The following CLPP variants were observed in gnomAD, a reference collection of about 807,000 sequenced individuals.
CLPP encodes caseinolytic mitochondrial matrix peptidase proteolytic subunit.
A neutral mutation model predicts 27.4 loss-of-function variants in CLPP; 14 were observed. The ratio of observed to expected loss-of-function variants is 0.51; its 90% CI spans 0.34 to 0.80. The LOEUF is 0.80. Among genes scored for constraint, CLPP ranks in the 30% least tolerant of loss-of-function variants. The pLI, the probability that CLPP is intolerant of heterozygous loss-of-function variation, is 0.02. For synonymous variants in CLPP, 193 were observed against 166.6 expected (o/e 1.16, Z -1.22); for missense variants, 361 against 403.6 (o/e 0.89, Z 0.90).
At chr19:6,365,014 G>A (rs1464478137) in intron 4 of CLPP, 12 of 188,360 alleles carry the variant, frequency 6.4e-5, no homozygotes, top group African/African-American at 1.9e-4. Flanking sequence ...GTGAGCCACC[G>A]CGCTGGGCCA....
At position 6,369,690 on chromosome 19, in the gene CLPP, T is replaced by C. The variant is rs1293793143; in HGVS notation, c.*980T>C. On this transcript the variant is annotated 3_prime_UTR_variant, in exon 6 of 6. Transcript: ENST00000245816. The stretch of plus-strand genomic sequence containing the variant: ...GGAGATCAAAAAGTAGAGGTGAAAA[T>C]TAGCCAGGCGTGATGGTGCACTTGA... Among the ~76,000 whole-genome samples the C allele has an allele frequency of 6.7e-6, 1 of 150,108 alleles. No homozygotes were observed. The highest frequency in any genetic ancestry group is 2.0e-4 in the East Asian group (1 of 4,978).
At chr19:6,367,291 C>T (rs1286606864) in intron 5 of CLPP, among the ~76,000 whole-genome samples, 1 of 149,550 alleles carries the variant, frequency 6.7e-6, no homozygotes, top group Admixed American at 6.8e-5. Context: ...ATGAGAATCG[C>T]TTGAACCTGA....
Position 6,361,618 on chromosome 19 carries a change from G to A in CLPP, c.44G>A (p.Cys15Tyr). 2 of 1,423,670 alleles carry A rather than the reference G, an allele frequency of 1.4e-6. No homozygotes were observed. The highest frequency in any genetic ancestry group is 9.2e-7 in the Non-Finnish European group (1 of 1,089,146). 88.2% of individuals were successfully genotyped at this position (1,423,670 alleles called of 1,614,324 possible). Residue 15 changes from cysteine (C) to tyrosine (Y), a missense_variant, in exon 1 of 6, where the codon TGC (cysteine) becomes TAC (tyrosine). By Grantham distance (194) the Cys-to-Tyr change is radical. Coordinates refer to ENST00000245816, the MANE Select transcript of CLPP (RefSeq NM_006012.4). The part of the protein sequence containing the change: ...ILVGGARVAS[C>Y]RYPALGPRLA... Reference sequence around the variant, plus strand: ...GTAGGGGGGGCCCGGGTGGCGTCATGCAGGTACCCCGCGCTGGGGCCTCGC... The same window carrying A: ...GTAGGGGGGGCCCGGGTGGCGTCATACAGGTACCCCGCGCTGGGGCCTCGC...
chr19:6,364,030 ATT>A (rs552499372), intron 3 of CLPP, among the ~76,000 whole-genome samples: 27 of 135,054 alleles, frequency 2.0e-4, no homozygotes, highest in Non-Finnish European at 1.6e-4. Context: ...CCCAGTCTTA[ATT>A]TTTTTTTTTT....
intron 4 of CLPP, among the ~76,000 whole-genome samples, chr19:6,365,983 AG>A (rs1568322830): frequency 6.6e-6 from 1 of 152,084 alleles, no homozygotes; most frequent in African/African-American, 2.4e-5. Flanking sequence ...AACAAAAAAA[AG>A]GCTTAGCTAA....
intron 5 of CLPP, 34 bp from the exon 6 acceptor site, chr19:6,368,504 C>G (rs778816159): frequency 1.2e-6 from 2 of 1,612,552 alleles, no homozygotes; most frequent in South Asian, 1.1e-5. Context: ...TCTGCTCTTA[C>G]CCTAATGTGT....
chr19:6,364,575 C>A lies in CLPP; in HGVS notation c.491C>A (p.Pro164Gln). 1.9e-6 allele frequency: 3 copies of A among 1,613,010 alleles called. No homozygotes were observed. The highest frequency in any genetic ancestry group is 1.7e-5 in the Admixed American group (1 of 59,902). ...TCCCTGCTTCTCGCCGCCGGCACCC[C>A]AGGCATGCGCCACTCGCTCCCCAAC... The part of the protein sequence containing the change: ...MGSLLLAAGT[P>Q]GMRHSLPNSR... The change falls in exon 4 of 6, where the codon CCA becomes CAA. Residue 164 changes from proline (P) to glutamine (Q), a missense_variant. Pro to Gln is a moderately conservative substitution (Grantham distance 76). This residue lies in a region of CLPP where 213 missense variants were observed against 280.9 expected (regional missense o/e 0.76). Transcript: ENST00000245816.
At chr19:6,366,499 G>GAAT in intron 5 of CLPP, 136 bp downstream of exon 5, 1 of 600,354 alleles carries the variant, frequency 1.7e-6, no homozygotes, top group South Asian at 2.1e-5. Context: ...CCATCCCAGA[G>GAAT]GTCAGCCTGG....
At position 6,368,880 on chromosome 19, in the gene CLPP, T is replaced by A; in HGVS notation, c.*170T>A. The A allele has an allele frequency of 1.6e-6, 1 of 621,462 alleles. No individual in the cohort carries two copies. The highest frequency in any genetic ancestry group is 2.8e-6 in the Non-Finnish European group (1 of 357,470). 38.5% of individuals were successfully genotyped at this position (621,462 alleles called of 1,614,324 possible). On this transcript the variant is annotated 3_prime_UTR_variant, in exon 6 of 6. Coordinates refer to ENST00000245816, the MANE Select transcript of CLPP (RefSeq NM_006012.4). Reference sequence around the variant, plus strand: ...CATTCCAGCTGAGACACTGTGATTTTAAATTAAATCTTTGTGGTCTTTGCT... The same window carrying A: ...CATTCCAGCTGAGACACTGTGATTTAAAATTAAATCTTTGTGGTCTTTGCT...
At chr19:6,362,388 C>T (rs574261723) in intron 2 of CLPP, 58 bp from the exon 3 acceptor site, 2 of 1,226,354 alleles carry the variant, frequency 1.6e-6, no homozygotes, top group Admixed American at 1.7e-5. Flanking sequence ...CCCCAGCCTC[C>T]CTTAAAACTC....
At chr19:6,367,597 C>T (rs188969341) in intron 5 of CLPP, among the ~76,000 whole-genome samples, 4 of 152,048 alleles carry the variant, frequency 2.6e-5, no homozygotes, top group Admixed American at 2.6e-4. Flanking sequence ...TTCAGGGGTG[C>T]TGGCATTATT....
intron 3 of CLPP, among the ~76,000 whole-genome samples, chr19:6,363,157 G>A (rs1056699245): frequency 6.8e-6 from 1 of 147,832 alleles, no homozygotes; most frequent in Non-Finnish European, 1.5e-5. Flanking sequence ...ATGGAGTCTC[G>A]TTCTGTCACC....
At chr19:6,366,534 A>G (rs1457888128) in intron 5 of CLPP, among the ~76,000 whole-genome samples, 171 bp downstream of exon 5, 2 of 152,016 alleles carry the variant, frequency 1.3e-5, no homozygotes, top group Admixed American at 6.6e-5. Flanking sequence ...TCCCATCTCT[A>G]CTAAAAATAC....
chr19:6,368,176 C>A (rs1407379208), intron 5 of CLPP, among the ~76,000 whole-genome samples: 1 of 152,174 alleles, frequency 6.6e-6, no homozygotes, highest in Non-Finnish European at 1.5e-5. Flanking sequence ...ATTTATGTCT[C>A]ACAGTTCTGG....
Position 6,368,772 on chromosome 19 carries a change from G to C in CLPP, c.*62G>C, listed in dbSNP as rs1006539277. On this transcript the variant is annotated 3_prime_UTR_variant, in exon 6 of 6. Coordinates refer to ENST00000245816, the MANE Select transcript of CLPP (RefSeq NM_006012.4). ...CAGAGGCCTGCCAGACCCCCAGCTG[G>C]GCCCTGCTCACCCCTTGTTGCTGGG... The C allele has an allele frequency of 8.1e-6, 12 of 1,480,776 alleles. No homozygotes were observed. The African/African-American group carries it at 1.5e-4, about 19-fold the overall frequency. 91.7% of individuals were successfully genotyped at this position (1,480,776 alleles called of 1,614,324 possible). A position where few individuals can be genotyped will look rare whatever the true frequency, so the allele number is the denominator to read the frequency against.
At chr19:6,361,795 C>T (rs1394548363) in intron 1 of CLPP, 23 bp downstream of exon 1, 4 of 1,414,948 alleles carry the variant, frequency 2.8e-6, no homozygotes, top group Non-Finnish European at 3.8e-6. Context: ...GGCGGGGACA[C>T]GGTTCGGGGG....
At chr19:6,368,149 C>CA (rs2145055109) in intron 5 of CLPP, among the ~76,000 whole-genome samples, 1 of 152,240 alleles carries the variant, frequency 6.6e-6, no homozygotes, top group African/African-American at 2.4e-5. Flanking sequence ...AACAAAACAC[C>CA]ACAGACCTCA....
intron 3 of CLPP, 58 bp downstream of exon 3, chr19:6,362,600 G>C: frequency 1.7e-6 from 2 of 1,181,968 alleles, no homozygotes; most frequent in Non-Finnish European, 1.3e-6. Flanking sequence ...GGGTGACTCA[G>C]GGGACCAGAA....
rs187692655 is a variant in CLPP, at chr19:6,370,118, G to A, written c.*1408G>A. Reference sequence around the variant, plus strand: ...AGACCTGTCGCCTGAGATGGGAAGTGTAGGCAAAGGAACAGGCTTGGGGAG... The same window carrying A: ...AGACCTGTCGCCTGAGATGGGAAGTATAGGCAAAGGAACAGGCTTGGGGAG... On this transcript the variant is annotated 3_prime_UTR_variant, in exon 6 of 6. Coordinates refer to ENST00000245816, the MANE Select transcript of CLPP (RefSeq NM_006012.4). Among the ~76,000 whole-genome samples the A allele has an allele frequency of 3.3e-5, 5 of 152,360 alleles. No homozygotes were observed. The highest frequency in any genetic ancestry group is 2.0e-4 in the Admixed American group (3 of 15,304).
Sources: gnomAD v4.1 joint callset for allele counts (sites outside exome capture counted in the v4.1 genomes callset) on GRCh38, gnomAD v4.1.1 for gene constraint, gnomAD v4.1.1 regional missense constraint, MANE v1.5 for transcripts, NCBI Gene and HGNC (gene_info 2026-07-23, HGNC 2026-07-21) for gene names.